The following FBXO8 variants were observed in gnomAD, a reference collection of about 807,000 sequenced individuals.
The protein encoded by FBXO8 is F-box protein 8.
Under a neutral mutation model 33.4 loss-of-function variants are expected in FBXO8, and 15 were observed. The observed-to-expected ratio is 0.45, with a 90% CI of 0.30 to 0.69. The LOEUF is 0.69. Among genes scored for constraint, FBXO8 ranks in the 30% least tolerant of loss-of-function variants. The probability of loss-of-function intolerance (pLI) is 0.08; values close to 1 mark genes in which losing one functional copy is unlikely to be tolerated. For synonymous variants in FBXO8, 132 were observed against 131.5 expected (o/e 1.00, Z -0.02); for missense variants, 274 against 380.3 (o/e 0.72, Z 2.32).
At chr4:174,242,444 C>A (rs1286111840) in intron 3 of FBXO8, among the ~76,000 whole-genome samples, 5 of 151,458 alleles carry the variant, frequency 3.3e-5, no homozygotes, top group Admixed American at 1.3e-4. Context: ...AAAGATCAGA[C>A]TTTTTATATA....
chr4:174,272,348 A>G lies in FBXO8; in HGVS notation c.-8-9248T>C, dbSNP rs2126446460. On this transcript the variant is annotated intron_variant, in intron 1 of 5. Coordinates refer to ENST00000393674, the MANE Select transcript of FBXO8 (RefSeq NM_012180.3). This position sits in a 1 kb window ranked among gnomAD's most constrained non-coding sequence, Gnocchi z 4.7. ...ACTTTAAATCATCTCTAGATTACTT[A>G]TAACATCCAATAAGATGTAAATGCT... 6.6e-6 allele frequency among the ~76,000 whole-genome samples: 1 copy of G among 152,368 alleles called. No homozygotes were observed. The highest frequency in any genetic ancestry group is 1.9e-4 in the East Asian group (1 of 5,186).
chr4:174,239,234 A>C, intron 4 of FBXO8, 44 bp from the exon 5 acceptor site: 1 of 1,334,590 alleles, frequency 7.5e-7, no homozygotes. Flanking sequence ...ACTTTTCTTC[A>C]TTAAAAAAAT....
Position 174,252,949 on chromosome 4 carries a change from C to T in FBXO8, c.456+6750G>A, listed in dbSNP as rs1245210226. On this transcript the variant is annotated intron_variant, in intron 3 of 5. Coordinates refer to ENST00000393674, the MANE Select transcript of FBXO8 (RefSeq NM_012180.3). This position sits in a 1 kb window ranked among gnomAD's most constrained non-coding sequence, Gnocchi z 5.1. ...CTGCACCACTGCACTCCAGCCTGGGCAACAGAGTGAGCCTCTGTCTCAAGA... is the reference window on the plus strand; with the variant it reads ...CTGCACCACTGCACTCCAGCCTGGGTAACAGAGTGAGCCTCTGTCTCAAGA... Among the ~76,000 whole-genome samples the T allele has an allele frequency of 1.3e-5, 2 of 152,054 alleles. No homozygotes were observed. The highest frequency in any genetic ancestry group is 3.9e-4 in the East Asian group (2 of 5,176).
In FBXO8 at chr4:174,236,953, A is replaced by G. The variant is rs1455029078; in HGVS notation, c.*459T>C. The G allele has an allele frequency of 6.6e-6, 1 of 152,330 alleles. No homozygotes were observed. The highest frequency in any genetic ancestry group is 2.4e-5 in the African/African-American group (1 of 41,458). The allele number at this position is 152,330 out of a possible 1,614,324, so 9.4% of individuals were successfully genotyped here. A position where few individuals can be genotyped will look rare whatever the true frequency, so the allele number is the denominator to read the frequency against. On this transcript the variant is annotated 3_prime_UTR_variant, in exon 6 of 6. Transcript: ENST00000393674. ...CAATAGTTTCAGATCAGAATCAAAT[A>G]AATTTCAGAACTCAGTTTGAGAGAA...
In FBXO8 at chr4:174,277,743, T is replaced by C. The variant is rs539976983; in HGVS notation, c.-9+5667A>G. Among the ~76,000 whole-genome samples the C allele has an allele frequency of 3.2e-4, 48 of 152,168 alleles. No individual in the cohort carries two copies. Among genetic ancestry groups the C allele is most frequent in the Non-Finnish European group, 5.3e-4 (36 of 67,982 alleles). ...TCTTAGTTGTCTAAATAGTGGAATT[T>C]ATAAGTAAATGTCCTGTCTCAGATA... On this transcript the variant is annotated intron_variant, in intron 1 of 5. Coordinates refer to ENST00000393674, the MANE Select transcript of FBXO8 (RefSeq NM_012180.3). The surrounding 1 kb of genome is among the most constrained non-coding windows in gnomAD (Gnocchi z 4.9).
rs747265345 is a variant in FBXO8 at position 174,237,491 on chromosome 4, C to T, written c.881G>A (p.Arg294His). Reference protein sequence around the residue: ...SKREFIRNTRRAAQNISEDFV... With the variant: ...SKREFIRNTRHAAQNISEDFV... Reference sequence around the variant, plus strand: ...ATCTTCACTAATATTTTGAGCAGCGCGACGGGTATTTCGAATAAATTCCCT... The same window carrying T: ...ATCTTCACTAATATTTTGAGCAGCGTGACGGGTATTTCGAATAAATTCCCT... Residue 294 changes from arginine (R) to histidine (H), a missense_variant, in exon 6 of 6, where the codon CGC becomes CAC. Coordinates refer to ENST00000393674, the MANE Select transcript of FBXO8 (RefSeq NM_012180.3). The surrounding 1 kb of genome is among the most constrained non-coding windows in gnomAD (Gnocchi z 4.4). 1.1e-5 allele frequency: 18 copies of T among 1,613,646 alleles called. No individual in the cohort carries two copies. In the East Asian group the frequency reaches 2.0e-4, roughly 18 times the overall value.
rs780911882 is a variant in FBXO8 at position 174,255,794 on chromosome 4, G to T, written c.456+3905C>A. 6.6e-6 allele frequency among the ~76,000 whole-genome samples: 1 copy of T among 152,148 alleles called. No homozygotes were observed. The highest frequency in any genetic ancestry group is 2.4e-5 in the African/African-American group (1 of 41,440). Reference sequence around the variant, plus strand: ...GCACAAGTAATATAGTTTACTGGTTGTTAAATAAAATTACTTCATTATACT... The same window carrying T: ...GCACAAGTAATATAGTTTACTGGTTTTTAAATAAAATTACTTCATTATACT... On this transcript the variant is annotated intron_variant, in intron 3 of 5. Coordinates refer to ENST00000393674, the MANE Select transcript of FBXO8 (RefSeq NM_012180.3). This position sits in a 1 kb window ranked among gnomAD's most constrained non-coding sequence, Gnocchi z 4.3.
chr4:174,254,145 C>T lies in FBXO8; in HGVS notation c.456+5554G>A, dbSNP rs755035802. 2.6e-5 allele frequency among the ~76,000 whole-genome samples: 4 copies of T among 152,144 alleles called. No homozygotes were observed. The highest frequency in any genetic ancestry group is 6.5e-5 in the Admixed American group (1 of 15,272). On this transcript the variant is annotated intron_variant, in intron 3 of 5. Coordinates refer to ENST00000393674, the MANE Select transcript of FBXO8 (RefSeq NM_012180.3). This position sits in a 1 kb window ranked among gnomAD's most constrained non-coding sequence, Gnocchi z 4.2. ...TCATAAAATGTGGAACATGCTGAGTCGAGCAGCATAATGAAGGGTGCTGAG... is the reference window on the plus strand; with the variant it reads ...TCATAAAATGTGGAACATGCTGAGTTGAGCAGCATAATGAAGGGTGCTGAG...
intron 3 of FBXO8, among the ~76,000 whole-genome samples, chr4:174,242,562 T>C (rs1303421296): frequency 6.6e-6 from 1 of 151,492 alleles, no homozygotes; most frequent in Non-Finnish European, 1.5e-5. Context: ...ATTTTAAAAA[T>C]GTACATGAAG....
chr4:174,244,631 T>A (rs1197639332), intron 3 of FBXO8, among the ~76,000 whole-genome samples: 1 of 151,744 alleles, frequency 6.6e-6, no homozygotes, highest in Non-Finnish European at 1.5e-5. Context: ...CTGAGATGAA[T>A]CATGATGGTG....
In FBXO8 at chr4:174,239,255, A is replaced by C. The variant is rs760260387; in HGVS notation, c.576-65T>G. On this transcript the variant is annotated intron_variant, in intron 4 of 5. Transcript: ENST00000393674. ...CTTCATTAAAAAAATGGTAAGAAAA[A>C]TAACAAATTTCCATTTTTTGGATAA... 5.0e-6 allele frequency: 6 copies of C among 1,190,252 alleles called. No homozygotes were observed. The South Asian group carries it at 1.2e-4, about 24-fold the overall frequency. The allele number at this position is 1,190,252 out of a possible 1,614,324, so 73.7% of individuals were successfully genotyped here.
At chr4:174,248,014 ATATT>A (rs1446921593) in intron 3 of FBXO8, among the ~76,000 whole-genome samples, 1 of 152,072 alleles carries the variant, frequency 6.6e-6, no homozygotes, top group Non-Finnish European at 1.5e-5. Context: ...TTATCTGAGG[ATATT>A]TATTATGCAA....
Position 174,263,552 on chromosome 4 carries a change from C to T in FBXO8, c.-8-452G>A, listed in dbSNP as rs1023834583. Among the ~76,000 whole-genome samples the T allele has an allele frequency of 1.3e-5, 2 of 152,140 alleles. No homozygotes were observed. The highest frequency in any genetic ancestry group is 2.9e-5 in the Non-Finnish European group (2 of 68,026). ...GCTAAGCTAGCTCCTTTTAACCAAACTCCCAGATGCGTAACAGCTGGGAAA... is the reference window on the plus strand; with the variant it reads ...GCTAAGCTAGCTCCTTTTAACCAAATTCCCAGATGCGTAACAGCTGGGAAA... On this transcript the variant is annotated intron_variant, in intron 1 of 5. Transcript: ENST00000393674. This position sits in a 1 kb window ranked among gnomAD's most constrained non-coding sequence, Gnocchi z 4.2.
At chr4:174,266,385 C>CT (rs778276271) in intron 1 of FBXO8, among the ~76,000 whole-genome samples, 7 of 152,192 alleles carry the variant, frequency 4.6e-5, no homozygotes, top group Non-Finnish European at 1.0e-4. Flanking sequence ...CCCCTTGGGA[C>CT]TTTCGTTTCC....
At chr4:174,273,548 GA>G (rs924406328) in intron 1 of FBXO8, among the ~76,000 whole-genome samples, 1 of 152,078 alleles carries the variant, frequency 6.6e-6, no homozygotes, top group African/African-American at 2.4e-5. Context: ...TGATAACTGT[GA>G]AATGGCTATA....
At position 174,281,314 on chromosome 4, in the gene FBXO8, G is replaced by A. The variant is rs1737081987; in HGVS notation, c.-9+2096C>T. 6.6e-6 allele frequency among the ~76,000 whole-genome samples: 1 copy of A among 152,080 alleles called. No homozygotes were observed. The highest frequency in any genetic ancestry group is 1.5e-5 in the Non-Finnish European group (1 of 68,008). ...TATGAATCCTATGCAATCTATTCTT[G>A]AAAAATACACGAACTGCTGACTAAA... is the stretch of plus-strand genomic sequence containing the variant. On this transcript the variant is annotated intron_variant, in intron 1 of 5. Transcript: ENST00000393674. The surrounding 1 kb of genome is among the most constrained non-coding windows in gnomAD (Gnocchi z 4.6).
Position 174,241,029 on chromosome 4 carries a change from T to C in FBXO8, c.575+71A>G. The C allele has an allele frequency of 1.1e-6, 1 of 884,786 alleles. No homozygotes were observed. The highest frequency in any genetic ancestry group is 1.8e-6 in the Non-Finnish European group (1 of 569,772). 54.8% of individuals were successfully genotyped at this position (884,786 alleles called of 1,614,324 possible). A position where few individuals can be genotyped will look rare whatever the true frequency, so the allele number is the denominator to read the frequency against. ...GATGATTACTATGCAGTATTAGTTTTAAAGTAAAACTTAACTCATCAAAAA... is the reference window on the plus strand; with the variant it reads ...GATGATTACTATGCAGTATTAGTTTCAAAGTAAAACTTAACTCATCAAAAA... On this transcript the variant is annotated intron_variant, in intron 4 of 5. Coordinates refer to ENST00000393674, the MANE Select transcript of FBXO8 (RefSeq NM_012180.3). The surrounding 1 kb of genome is among the most constrained non-coding windows in gnomAD (Gnocchi z 4.2).
At position 174,274,202 on chromosome 4, in the gene FBXO8, T is replaced by G. The variant is rs914388862; in HGVS notation, c.-9+9208A>C. Among the ~76,000 whole-genome samples the G allele has an allele frequency of 3.3e-5, 5 of 152,070 alleles. No homozygotes were observed. Among genetic ancestry groups the G allele is most frequent in the African/African-American group, 1.2e-4 (5 of 41,442 alleles). Reference sequence around the variant, plus strand: ...CTGTTCTTGTGGAAAGCACACAGGCTTTGATGTGAAGAAAGATCAGCATCA... The same window carrying G: ...CTGTTCTTGTGGAAAGCACACAGGCGTTGATGTGAAGAAAGATCAGCATCA... On this transcript the variant is annotated intron_variant, in intron 1 of 5. Transcript: ENST00000393674. The surrounding 1 kb of genome is among the most constrained non-coding windows in gnomAD (Gnocchi z 4.0).
Position 174,259,512 on chromosome 4 carries a change from C to A in FBXO8, c.456+187G>T, listed in dbSNP as rs773096273. Among the ~76,000 whole-genome samples, 1 of 151,978 alleles carries A rather than the reference C, an allele frequency of 6.6e-6. No individual in the cohort carries two copies. The highest frequency in any genetic ancestry group is 1.5e-5 in the Non-Finnish European group (1 of 67,922). ...AAGTGAACAGGTAGAAAGGTTAGAA[C>A]GTGACATGGTAAGGCGAAGAAAAAT... On this transcript the variant is annotated intron_variant, in intron 3 of 5. Coordinates refer to ENST00000393674, the MANE Select transcript of FBXO8 (RefSeq NM_012180.3). This position sits in a 1 kb window ranked among gnomAD's most constrained non-coding sequence, Gnocchi z 4.3.
Sources: gnomAD v4.1 joint callset for allele counts (sites outside exome capture counted in the v4.1 genomes callset) on GRCh38, gnomAD v4.1.1 for gene constraint, Gnocchi (gnomAD v3.1) non-coding constraint, MANE v1.5 for transcripts, NCBI Gene and HGNC (gene_info 2026-07-23, HGNC 2026-07-21) for gene names.